CRACR2A: variants seen among roughly 807,000 people sequenced by gnomAD.
The protein encoded by CRACR2A is EF-hand calcium-binding domain-containing protein 4B.
Under a neutral mutation model 90.5 loss-of-function variants are expected in CRACR2A, and 79 were observed. That is an observed-to-expected ratio of 0.87 (90% CI 0.73 to 1.05). CRACR2A has a LOEUF of 1.05. Among genes scored for constraint, CRACR2A ranks in the 50% least tolerant of loss-of-function variants. The pLI is 0.00. For synonymous variants in CRACR2A, 338 were observed against 356.7 expected (o/e 0.95, Z 0.59); for missense variants, 823 against 897.2 (o/e 0.92, Z 1.06).
chr12:3,720,416 G>GAAGAAAGAAAGACAGA (rs1946147816), intron 2 of CRACR2A, among the ~76,000 whole-genome samples: 2 of 106,634 alleles, frequency 1.9e-5, no homozygotes, highest in Non-Finnish European at 3.8e-5. Flanking sequence ...TGAGAGAGAG[G>GAAGAAAGAAAGACAGA]AAGAAAGAAA....
At position 3,641,732 on chromosome 12, in the gene CRACR2A, C is replaced by T. The variant is rs753227840; in HGVS notation, c.1271G>A (p.Ser424Asn). 2.6e-6 allele frequency: 4 copies of T among 1,551,344 alleles called. No individual in the cohort carries two copies. The highest frequency in any genetic ancestry group is 2.7e-5 in the African/African-American group (2 of 73,056). The stretch of plus-strand genomic sequence containing the variant: ...GGATGAGCAAGTGGAGATGACTTAC[C>T]TCCTAAGAATCCCTCTGCTGTCCAC... Reference protein sequence around the residue: ...KYVDSRGILRSQSEEEEEVFG... With the variant: ...KYVDSRGILRNQSEEEEEVFG... Residue 424 changes from serine (S) to asparagine (N), a missense_variant and splice_region_variant, in exon 13 of 20, where the codon AGC becomes AAC. Ser to Asn is a conservative substitution (Grantham distance 46). Coordinates refer to ENST00000440314, the MANE Select transcript of CRACR2A (RefSeq NM_001144958.2).
chr12:3,661,293 A>G (rs564927815), intron 7 of CRACR2A, among the ~76,000 whole-genome samples: 1 of 152,334 alleles, frequency 6.6e-6, no homozygotes, highest in African/African-American at 2.4e-5. Context: ...ACAGTGTGTG[A>G]GACTCCATGG....
In CRACR2A at chr12:3,659,616, T is replaced by C. The variant is rs1223079798; in HGVS notation, c.710A>G (p.Tyr237Cys). 6 of 1,614,044 alleles carry C rather than the reference T, an allele frequency of 3.7e-6. No individual in the cohort carries two copies. The highest frequency in any genetic ancestry group is 5.1e-6 in the Non-Finnish European group (6 of 1,180,024). The change falls in exon 8 of 20, where the codon TAT becomes TGT. Residue 237 changes from tyrosine (Y) to cysteine (C), a missense_variant. By Grantham distance (194) the Tyr-to-Cys change is radical. Coordinates refer to ENST00000440314, the MANE Select transcript of CRACR2A (RefSeq NM_001144958.2). The part of the protein sequence containing the change: ...AAYDEEIQHL[Y>C]EEMEQQIKSE... ...TTTGATTTGTTGTTCCATCTCCTCA[T>C]AGAGATGCTGGATTTCTTCATCATA...
chr12:3,730,455 A>G (rs1312036149), intron 2 of CRACR2A: 1 of 152,248 alleles, frequency 6.6e-6, no homozygotes, highest in Non-Finnish European at 1.5e-5. Context: ...AAGATTTTTC[A>G]GAATTTTTAA....
intron 9 of CRACR2A, among the ~76,000 whole-genome samples, chr12:3,654,966 T>C (rs780772045): frequency 6.6e-6 from 1 of 152,194 alleles, no homozygotes; most frequent in African/African-American, 2.4e-5. Flanking sequence ...AAACAGAACA[T>C]AGACCTTTTC....
chr12:3,661,281 G>C (rs1415300776), intron 7 of CRACR2A, among the ~76,000 whole-genome samples: 1 of 152,118 alleles, frequency 6.6e-6, no homozygotes, highest in Non-Finnish European at 1.5e-5. Context: ...CCAGACAAAG[G>C]AACAGTGTGT....
intron 2 of CRACR2A, chr12:3,730,001 G>C (rs1946335469): frequency 2.0e-5 from 3 of 152,218 alleles, no homozygotes; most frequent in Admixed American, 1.3e-4. Flanking sequence ...AGCAAGAAGA[G>C]AGCAGAGTTC....
chr12:3,725,655 A>G (rs1946251620), intron 2 of CRACR2A, among the ~76,000 whole-genome samples: 1 of 152,138 alleles, frequency 6.6e-6, no homozygotes, highest in Admixed American at 6.5e-5. Context: ...CTGATTCTCA[A>G]CCCTCAGAGT....
chr12:3,666,816 G>T (rs192726436), intron 7 of CRACR2A, among the ~76,000 whole-genome samples: 23 of 152,334 alleles, frequency 1.5e-4, no homozygotes, highest in Admixed American at 1.5e-3. Context: ...GGATTTCAGA[G>T]GGTCTTAGAA....
chr12:3,730,292 A>C lies in CRACR2A; in HGVS notation c.-118+2650T>G, dbSNP rs189633187. 4.6e-5 allele frequency: 7 copies of C among 152,386 alleles called. No individual in the cohort carries two copies. In the East Asian group the frequency reaches 1.3e-3, roughly 29 times the overall value. The allele number at this position is 152,386 out of a possible 1,614,324, so 9.4% of individuals were successfully genotyped here. ...AGCACAATGTTGCTAGATGGCAGTC[A>C]ACGCTCAGGCTGAACGCAAGAGGGT... On this transcript the variant is annotated intron_variant, in intron 2 of 19. Coordinates refer to ENST00000440314, the MANE Select transcript of CRACR2A (RefSeq NM_001144958.2).
intron 8 of CRACR2A, among the ~76,000 whole-genome samples, chr12:3,657,994 C>A (rs981769423): frequency 1.3e-5 from 2 of 152,200 alleles, no homozygotes; most frequent in East Asian, 1.9e-4. Flanking sequence ...CTTGATCTAT[C>A]TCCAGGCAAA....
chr12:3,616,859 A>G (rs1342401108), intron 19 of CRACR2A, 95 bp downstream of exon 19: 9 of 948,966 alleles, frequency 9.5e-6, no homozygotes, highest in African/African-American at 1.6e-5. Flanking sequence ...GGGGGGTCAG[A>G]GGTGTGGCCT....
At chr12:3,640,961 C>A (rs1944556238) in intron 13 of CRACR2A, among the ~76,000 whole-genome samples, 1 of 152,186 alleles carries the variant, frequency 6.6e-6, no homozygotes, top group Non-Finnish European at 1.5e-5. Context: ...AGCACAAGCC[C>A]TAGCCTTGTC....
intron 18 of CRACR2A, among the ~76,000 whole-genome samples, chr12:3,618,905 G>A (rs1426569712): frequency 2.0e-5 from 3 of 152,186 alleles, no homozygotes; most frequent in African/African-American, 7.2e-5. Flanking sequence ...ACACTGCTTT[G>A]CAGAGAGTGA....
chr12:3,662,905 T>C (rs774032787), intron 7 of CRACR2A, among the ~76,000 whole-genome samples: 7 of 152,270 alleles, frequency 4.6e-5, no homozygotes, highest in Non-Finnish European at 8.8e-5. Flanking sequence ...GCTTATCATA[T>C]ACATCCTCGT....
chr12:3,716,419 G>C (rs1946083477), intron 2 of CRACR2A, among the ~76,000 whole-genome samples: 1 of 152,202 alleles, frequency 6.6e-6, no homozygotes, highest in South Asian at 2.1e-4. Flanking sequence ...CTGGGCACAA[G>C]GGTTTTGTCA....
intron 3 of CRACR2A, among the ~76,000 whole-genome samples, chr12:3,707,355 C>T (rs1945942596): frequency 1.3e-5 from 2 of 152,216 alleles, no homozygotes. Context: ...TAAACAGCCC[C>T]CTTCACACTT....
intron 10 of CRACR2A, among the ~76,000 whole-genome samples, chr12:3,653,033 A>G (rs1419079815): frequency 6.6e-6 from 1 of 151,988 alleles, no homozygotes; most frequent in Non-Finnish European, 1.5e-5. Context: ...CCCAAGCTGG[A>G]GTGCAGTGGC....
intron 1 of CRACR2A, among the ~76,000 whole-genome samples, chr12:3,733,968 G>T (rs1387969286): frequency 1.1e-4 from 8 of 73,920 alleles, no homozygotes; most frequent in East Asian, 4.3e-4. Flanking sequence ...GACACATTTT[G>T]CCTTATTTTT....
Sources: gnomAD v4.1 joint callset for allele counts (sites outside exome capture counted in the v4.1 genomes callset) on GRCh38, gnomAD v4.1.1 for gene constraint, MANE v1.5 for transcripts, NCBI Gene and HGNC (gene_info 2026-07-23, HGNC 2026-07-21) for gene names.